Variants in FAM135A observed in about 807,000 individuals in gnomAD.
FAM135A encodes protein FAM135A.
A neutral mutation model predicts 146.8 loss-of-function variants in FAM135A; 79 were observed. The ratio of observed to expected loss-of-function variants is 0.54; its 90% CI spans 0.45 to 0.65. The LOEUF (loss-of-function observed/expected upper bound fraction) is 0.65, where lower values mean the gene tolerates loss of function less well. FAM135A is among the 30% of genes least tolerant of loss of function. The pLI is 0.00. For missense variants in FAM135A, 1,623 were observed against 1,758.2 expected, an observed-to-expected ratio of 0.92 and a Z score of 1.38; for synonymous variants, 562 against 603.6, an observed-to-expected ratio of 0.93 and a Z score of 1.01.
chr6:70,515,431 A>G (rs1336219999), intron 12 of FAM135A, among the ~76,000 whole-genome samples: 1 of 152,254 alleles, frequency 6.6e-6, no homozygotes, highest in Non-Finnish European at 1.5e-5. Context: ...CAATAAAAAG[A>G]AATGATCAGT....
intron 12 of FAM135A, chr6:70,503,230 C>A (rs1788967126): frequency 6.5e-6 from 1 of 153,984 alleles, no homozygotes; most frequent in Non-Finnish European, 1.4e-5. Flanking sequence ...GGGGGCAGTC[C>A]ACACATTACA....
chr6:70,485,624 A>G (rs569699253), intron 10 of FAM135A, among the ~76,000 whole-genome samples: 30 of 152,210 alleles, frequency 2.0e-4, no homozygotes, highest in Non-Finnish European at 3.7e-4. Flanking sequence ...TCAAATAAGC[A>G]TATATTTAAA....
At chr6:70,517,176 AAAC>A (rs1792463588) in intron 12 of FAM135A, among the ~76,000 whole-genome samples, 1 of 152,222 alleles carries the variant, frequency 6.6e-6, no homozygotes, top group African/African-American at 2.4e-5. Flanking sequence ...CTATAAGCAT[AAAC>A]AATATTTTAT....
intron 21 of FAM135A, among the ~76,000 whole-genome samples, chr6:70,558,970 A>G (rs1801422721): frequency 6.6e-6 from 1 of 152,224 alleles, no homozygotes; most frequent in Admixed American, 6.5e-5. Context: ...ATAATTTGGA[A>G]ATTTTGACTG....
chr6:70,432,085 G>A lies in FAM135A; in HGVS notation c.77+3666G>A, dbSNP rs1771794359. On this transcript the variant is annotated intron_variant, in intron 4 of 21. Coordinates refer to ENST00000418814, the MANE Select transcript of FAM135A (RefSeq NM_001162529.3). ...TCATACAATTTTAACACGGTGTTGT[G>A]TATTAACAATCAATGCTATAAATGT... Among the ~76,000 whole-genome samples the A allele has an allele frequency of 2.6e-5, 4 of 152,084 alleles. 1 individual carries two copies. In the South Asian group the frequency reaches 8.3e-4, roughly 32 times the overall value.
chr6:70,461,633 C>T (rs1036926226), intron 5 of FAM135A, among the ~76,000 whole-genome samples: 2 of 151,842 alleles, frequency 1.3e-5, no homozygotes, highest in Non-Finnish European at 2.9e-5. Flanking sequence ...CTAGTATGAC[C>T]AAGAGCAAGA....
chr6:70,446,703 G>A (rs1038639842), intron 4 of FAM135A, among the ~76,000 whole-genome samples: 1 of 152,142 alleles, frequency 6.6e-6, no homozygotes, highest in Non-Finnish European at 1.5e-5. Flanking sequence ...TGATAAATAT[G>A]CCCAATAAGG....
chr6:70,482,022 G>A lies in FAM135A; in HGVS notation c.691G>A (p.Asp231Asn). The A allele has an allele frequency of 6.2e-7, 1 of 1,613,132 alleles. No homozygotes were observed. Among genetic ancestry groups the A allele is most frequent in the Non-Finnish European group, 8.5e-7 (1 of 1,179,554 alleles). ...TTAGGGTTGTAGCTTCATCATTGCA[G>A]ACTCCTTCCTACATCATGCGTATCG... The part of the protein sequence containing the change: ...SPDGCSFIIA[D>N]SFLHHAYRFH... Residue 231 changes from aspartate to asparagine, a missense_variant, in exon 10 of 22, where the codon GAC becomes AAC. Coordinates refer to ENST00000418814, the MANE Select transcript of FAM135A (RefSeq NM_001162529.3).
intron 17 of FAM135A, 44 bp downstream of exon 17, chr6:70,533,295 C>T (rs745676962): frequency 6.8e-7 from 1 of 1,477,596 alleles, no homozygotes; most frequent in Non-Finnish European, 9.3e-7. Context: ...CATTTTTGTA[C>T]CAGTTTCTAC....
At chr6:70,447,421 G>T (rs1379782957) in intron 4 of FAM135A, among the ~76,000 whole-genome samples, 1 of 152,166 alleles carries the variant, frequency 6.6e-6, no homozygotes, top group Non-Finnish European at 1.5e-5. Flanking sequence ...GTATGTATTT[G>T]TACCCCTTTT....
At chr6:70,452,434 G>A in intron 4 of FAM135A, 58 bp from the exon 5 acceptor site, 1 of 1,231,458 alleles carries the variant, frequency 8.1e-7, no homozygotes, top group Admixed American at 2.0e-5. Flanking sequence ...GTGGAAGTCG[G>A]GGCATTGCAT....
chr6:70,535,814 G>T (rs1796688231), intron 18 of FAM135A: 1 of 152,876 alleles, frequency 6.5e-6, no homozygotes, highest in African/African-American at 2.4e-5. Flanking sequence ...CATCTTTGAA[G>T]TATAGACCAG....
At chr6:70,506,054 A>T (rs759236887) in intron 12 of FAM135A, among the ~76,000 whole-genome samples, 3 of 152,110 alleles carry the variant, frequency 2.0e-5, no homozygotes, top group Admixed American at 6.5e-5. Flanking sequence ...AATGGAATAT[A>T]TTTTTTTCCG....
At chr6:70,452,200 C>T (rs143337497) in intron 4 of FAM135A, among the ~76,000 whole-genome samples, 1,629 of 152,044 alleles carry the variant, frequency 0.011, 96 homozygotes, top group Admixed American at 0.1. Context: ...AGTTCTTAGA[C>T]GCTTTTCTAT....
intron 5 of FAM135A, among the ~76,000 whole-genome samples, chr6:70,456,184 CA>C (rs1204234770): frequency 6.6e-6 from 1 of 152,136 alleles, no homozygotes; most frequent in Non-Finnish European, 1.5e-5. Context: ...TTCAAATACC[CA>C]AAAGGAAGTA....
rs1259079564 is a variant in FAM135A, at chr6:70,560,734, T to A, written c.*813T>A. On this transcript the variant is annotated 3_prime_UTR_variant, in exon 22 of 22. Transcript: ENST00000418814. ...TTTCTTTTAACTTTTTTCATGGACT[T>A]CCTTATATGTACATAATAATTAAAT... 6.6e-6 allele frequency: 1 copy of A among 152,554 alleles called. No homozygotes were observed. The highest frequency in any genetic ancestry group is 1.9e-4 in the East Asian group (1 of 5,208). The allele number at this position is 152,554 out of a possible 1,614,324, so 9.5% of individuals were successfully genotyped here.
intron 11 of FAM135A, among the ~76,000 whole-genome samples, chr6:70,491,956 T>G (rs183555284): frequency 2.0e-5 from 3 of 151,862 alleles, no homozygotes; most frequent in South Asian, 2.1e-4. Flanking sequence ...CTAAAAGATA[T>G]CAAATTTTAC....
At chr6:70,446,220 C>T (rs1042554779) in intron 4 of FAM135A, among the ~76,000 whole-genome samples, 2 of 152,182 alleles carry the variant, frequency 1.3e-5, no homozygotes, top group Non-Finnish European at 2.9e-5. Context: ...AAATTTTGAT[C>T]TTATTAAGAG....
At chr6:70,420,824 T>G (rs1425191171) in intron 2 of FAM135A, among the ~76,000 whole-genome samples, 1 of 152,172 alleles carries the variant, frequency 6.6e-6, no homozygotes, top group Non-Finnish European at 1.5e-5. Flanking sequence ...TTTTTTGTAC[T>G]AAGTCTTTGA....
Sources: gnomAD v4.1 joint callset for allele counts (sites outside exome capture counted in the v4.1 genomes callset) on GRCh38, gnomAD v4.1.1 for gene constraint, MANE v1.5 for transcripts, NCBI Gene and HGNC (gene_info 2026-07-23, HGNC 2026-07-21) for gene names.